Variants in NFATC2 observed in about 807,000 individuals in gnomAD.
The protein encoded by NFATC2 is nuclear factor of activated T cells 2.
Under a neutral mutation model 87.3 loss-of-function variants are expected in NFATC2, and 22 were observed. The ratio of observed to expected loss-of-function variants is 0.25; its 90% CI spans 0.18 to 0.36. The LOEUF is 0.36. NFATC2 is among the 10% of genes least tolerant of loss of function. NFATC2 has a pLI of 1.00. For synonymous variants in NFATC2, 565 were observed against 542.2 expected (o/e 1.04, Z -0.58); for missense variants, 1,149 against 1,259.1 (o/e 0.91, Z 1.32).
chr20:51,558,620 C>T (rs2076997979), intron 1 of NFATC2, among the ~76,000 whole-genome samples: 1 of 152,048 alleles, frequency 6.6e-6, no homozygotes, highest in South Asian at 2.1e-4. Flanking sequence ...TGCTGTTTCC[C>T]CTGCTTCCTA....
intron 9 of NFATC2, among the ~76,000 whole-genome samples, chr20:51,420,069 T>C (rs573488496): frequency 6.7e-6 from 1 of 149,532 alleles, no homozygotes; most frequent in South Asian, 2.1e-4. Flanking sequence ...CACTGTAAGA[T>C]ATTAATGAAC....
intron 10 of NFATC2, among the ~76,000 whole-genome samples, chr20:51,396,038 GTATATATATATATATATATA>G (rs1161908517): frequency 0.031 from 650 of 21,220 alleles, 9 homozygotes; most frequent in East Asian, 0.1. Flanking sequence ...CTCCTAGTAT[GTATATATATATATATATATA>G]TATATATATA....
intron 6 of NFATC2, 25 bp from the exon 7 acceptor site, chr20:51,435,786 C>T (rs1983475118): frequency 6.3e-7 from 1 of 1,576,278 alleles, no homozygotes; most frequent in Non-Finnish European, 8.6e-7. Flanking sequence ...AAATGACAGA[C>T]TTTGAAGGAA....
intron 3 of NFATC2, among the ~76,000 whole-genome samples, chr20:51,495,841 C>A (rs1028543689): frequency 6.6e-6 from 1 of 152,182 alleles, no homozygotes; most frequent in African/African-American, 2.4e-5. Flanking sequence ...CCTCAATCAT[C>A]CCTCCTCTGT....
At chr20:51,552,509 G>A (rs2076942820) in intron 1 of NFATC2, among the ~76,000 whole-genome samples, 1 of 152,126 alleles carries the variant, frequency 6.6e-6, no homozygotes, top group Non-Finnish European at 1.5e-5. Context: ...GTCTTTTAAA[G>A]CCCGAAGAGG....
At chr20:51,468,312 C>T (rs938417299) in intron 5 of NFATC2, among the ~76,000 whole-genome samples, 2 of 79,498 alleles carry the variant, frequency 2.5e-5, no homozygotes, top group African/African-American at 3.7e-5. Flanking sequence ...CTTAATTATA[C>T]CTCCATAAAA....
chr20:51,478,643 G>A (rs189645210), intron 3 of NFATC2, among the ~76,000 whole-genome samples: 1 of 152,088 alleles, frequency 6.6e-6, no homozygotes, highest in African/African-American at 2.4e-5. Context: ...AGAACAGCTC[G>A]ATGATCTTTT....
At chr20:51,512,425 T>C (rs943443534) in intron 3 of NFATC2, among the ~76,000 whole-genome samples, 1 of 152,198 alleles carries the variant, frequency 6.6e-6, no homozygotes, top group African/African-American at 2.4e-5. Context: ...CCTCAGGGCA[T>C]GAGCTGTGCT....
chr20:51,474,962 A>T (rs1170304102), intron 4 of NFATC2, among the ~76,000 whole-genome samples: 2 of 148,538 alleles, frequency 1.3e-5, no homozygotes, highest in Non-Finnish European at 3.0e-5. Flanking sequence ...GACATATTAT[A>T]CTTTATTTAT....
intron 6 of NFATC2, among the ~76,000 whole-genome samples, chr20:51,437,534 C>A (rs1049580703): frequency 1.3e-5 from 2 of 152,136 alleles, no homozygotes; most frequent in African/African-American, 4.8e-5. Context: ...ATTCACCCAG[C>A]GAAATCTGGA....
chr20:51,409,996 G>A (rs530701065), intron 9 of NFATC2, among the ~76,000 whole-genome samples: 1 of 152,230 alleles, frequency 6.6e-6, no homozygotes, highest in African/African-American at 2.4e-5. Context: ...GGATCACGAG[G>A]TCAGGAGATG....
Position 51,467,299 on chromosome 20 carries a change from G to A in NFATC2, c.1708+6681C>T, listed in dbSNP as rs147361895. On this transcript the variant is annotated intron_variant, in intron 5 of 10. Coordinates refer to ENST00000371564, the MANE Select transcript of NFATC2 (RefSeq NM_012340.5). ...AGGCCAGACATGGTGGCTCACGCCC[G>A]TAATCCCAACAGTTTGGGAGGTGGA... 7.2e-3 allele frequency among the ~76,000 whole-genome samples: 1,094 copies of A among 152,230 alleles called. 15 individuals are homozygous for A. The highest frequency in any genetic ancestry group is 0.025 in the African/African-American group (1,022 of 41,546).
intron 1 of NFATC2, among the ~76,000 whole-genome samples, chr20:51,532,181 A>T (rs757187581): frequency 2.6e-5 from 4 of 152,172 alleles, no homozygotes; most frequent in Non-Finnish European, 5.9e-5. Context: ...TCTCACAAGA[A>T]CCCTATGAAG....
chr20:51,435,447 C>A, intron 7 of NFATC2, 133 bp from the exon 8 acceptor site: 1 of 1,318,084 alleles, frequency 7.6e-7, no homozygotes, highest in Non-Finnish European at 1.0e-6. Flanking sequence ...AGGGGAAGTT[C>A]AATTTCAGGG....
chr20:51,398,761 AAG>A lies in NFATC2; in HGVS notation c.2723-33_2723-32del, dbSNP rs796973616. 2.8e-6 allele frequency: 4 copies of A among 1,442,682 alleles called. No individual in the cohort carries two copies. The East Asian group carries it at 9.3e-5, about 33-fold the overall frequency. 89.4% of individuals were successfully genotyped at this position (1,442,682 alleles called of 1,614,324 possible). On this transcript the variant is annotated intron_variant, in intron 9 of 10. Transcript: ENST00000371564. Reference sequence around the variant, plus strand: ...AAAGATTTGCAAAATCATTTTTGAGAAGAAAAAAAAAAATCACCTTTGATCTC... The same window carrying A: ...AAAGATTTGCAAAATCATTTTTGAGAAAAAAAAAAAATCACCTTTGATCTC...
At chr20:51,417,114 G>C (rs1980152762) in intron 9 of NFATC2, among the ~76,000 whole-genome samples, 1 of 152,080 alleles carries the variant, frequency 6.6e-6, no homozygotes, top group Non-Finnish European at 1.5e-5. Flanking sequence ...CTGTGCCTCT[G>C]GCTTTGTAAC....
chr20:51,534,390 A>G (rs926722210), intron 1 of NFATC2, among the ~76,000 whole-genome samples: 5 of 152,236 alleles, frequency 3.3e-5, no homozygotes, highest in African/African-American at 1.2e-4. Context: ...GCTACAGTGC[A>G]GTGGCGCAAT....
chr20:51,517,630 C>A (rs556985985), intron 2 of NFATC2, among the ~76,000 whole-genome samples: 11 of 151,388 alleles, frequency 7.3e-5, no homozygotes, highest in African/African-American at 2.4e-4. Flanking sequence ...CAAAAAACAA[C>A]ACAAGGCTGG....
rs1568926588 is a variant in NFATC2 at position 51,398,651 on chromosome 20, T to TAGAA, written c.*35_*36insTTCT. On this transcript the variant is annotated 3_prime_UTR_variant, in exon 10 of 11. Transcript: ENST00000371564. The stretch of plus-strand genomic sequence containing the variant: ...CAGAAGATATCGATTACCTTTAACT[T>TAGAA]TGATTTCTCGGATCAAAGATCACAG... 1 of 1,607,196 alleles carries TAGAA rather than the reference T, an allele frequency of 6.2e-7. No homozygotes were observed. Among genetic ancestry groups the TAGAA allele is most frequent in the African/African-American group, 1.3e-5 (1 of 74,834 alleles).
Sources: allele counts gnomAD v4.1 joint callset (sites outside exome capture counted in the v4.1 genomes callset), GRCh38; gene constraint gnomAD v4.1.1; transcripts MANE v1.5; gene names NCBI Gene and HGNC (gene_info 2026-07-23, HGNC 2026-07-21).